The following PIWIL1 variants were observed in gnomAD, a reference collection of about 807,000 sequenced individuals.
PIWIL1 encodes the protein piwi-like protein 1.
A neutral mutation model predicts 114.4 loss-of-function variants in PIWIL1; 73 were observed. That is an observed-to-expected ratio of 0.64 (90% confidence interval 0.53 to 0.78). The LOEUF (loss-of-function observed/expected upper bound fraction) is 0.78, where lower values mean the gene tolerates loss of function less well. Ranked by LOEUF, PIWIL1 falls within the 30% of genes least tolerant of loss-of-function variation. The pLI is 0.00. For synonymous variants in PIWIL1, 375 were observed against 369.0 expected, an observed-to-expected ratio of 1.02 and a Z score of -0.19; for missense variants, 723 against 1,063.1, an observed-to-expected ratio of 0.68 and a Z score of 4.45.
rs1265544292 is a variant in PIWIL1, at chr12:130,347,819, G to A, written c.654-284G>A. ...GACCGCCGAAACAGCCAGACACAGC[G>A]TGTGAGTGAGCGGTCATGGCTGTGT... On this transcript the variant is annotated intron_variant, in intron 6 of 20. Coordinates refer to ENST00000245255, the MANE Select transcript of PIWIL1 (RefSeq NM_004764.5). Among the ~76,000 whole-genome samples the A allele has an allele frequency of 2.6e-5, 4 of 152,216 alleles. No individual in the cohort carries two copies. The East Asian group carries it at 7.7e-4, about 29-fold the overall frequency.
chr12:130,352,122 GT>G (rs2136149534), intron 9 of PIWIL1, among the ~76,000 whole-genome samples: 1 of 152,252 alleles, frequency 6.6e-6, no homozygotes, highest in East Asian at 1.9e-4. Flanking sequence ...ATAATCAGAT[GT>G]CTTTAGTAGA....
chr12:130,421,243 G>A, the PIWIL1 span, among the ~76,000 whole-genome samples: 7,507 of 152,280 alleles, frequency 0.049, 457 homozygotes, highest in Admixed American at 0.19. Flanking sequence ...AAAGGAATCT[G>A]GGCTCCACTA....
At chr12:130,355,752 C>A in intron 12 of PIWIL1, 85 bp downstream of exon 12, 1 of 916,102 alleles carries the variant, frequency 1.1e-6, no homozygotes, top group Non-Finnish European at 1.8e-6. Context: ...GTGGTGCAAT[C>A]TCAGCTCACT....
chr12:130,409,950 T>C, the PIWIL1 span, among the ~76,000 whole-genome samples: 1 of 152,242 alleles, frequency 6.6e-6, no homozygotes, highest in South Asian at 2.1e-4. Flanking sequence ...AGTGCACATA[T>C]AACTTTACAA....
chr12:130,407,621 G>A, the PIWIL1 span: 6 of 911,794 alleles, frequency 6.6e-6, no homozygotes, highest in East Asian at 1.4e-4. Flanking sequence ...ATGGTTCGGA[G>A]AGAAGGAATG....
At chr12:130,399,353 T>C in the PIWIL1 span, among the ~76,000 whole-genome samples, 2 of 152,200 alleles carry the variant, frequency 1.3e-5, no homozygotes, top group South Asian at 4.1e-4. Flanking sequence ...ATAACCTCCA[T>C]TGCCCACCAA....
chr12:130,360,614 CA>C (rs1315126386), intron 14 of PIWIL1, among the ~76,000 whole-genome samples: 1 of 152,144 alleles, frequency 6.6e-6, no homozygotes, highest in African/African-American at 2.4e-5. Context: ...GCCTGGGCAA[CA>C]AGAGCAAAAC....
intron 14 of PIWIL1, among the ~76,000 whole-genome samples, chr12:130,359,906 C>T (rs2073463166): frequency 6.6e-6 from 1 of 152,146 alleles, no homozygotes; most frequent in Non-Finnish European, 1.5e-5. Context: ...TGCATGTGAA[C>T]AATAATTAGT....
At chr12:130,353,850 C>T (rs1360704000) in intron 9 of PIWIL1, among the ~76,000 whole-genome samples, 3 of 151,234 alleles carry the variant, frequency 2.0e-5, no homozygotes, top group African/African-American at 4.9e-5. Context: ...CACCTGAACC[C>T]GGGAGGCGGA....
chr12:130,393,348 C>G, the PIWIL1 span, among the ~76,000 whole-genome samples: 1,687 of 26,586 alleles, frequency 0.063, 40 homozygotes, highest in Middle Eastern at 0.11. Flanking sequence ...TCACGTGTGT[C>G]CGTCAGTTAC....
intron 16 of PIWIL1, among the ~76,000 whole-genome samples, chr12:130,362,236 C>A (rs2073532663): frequency 6.6e-6 from 1 of 152,138 alleles, no homozygotes; most frequent in Non-Finnish European, 1.5e-5. Flanking sequence ...CACCTTCCAC[C>A]CCCAAGTAGG....
intron 3 of PIWIL1, among the ~76,000 whole-genome samples, chr12:130,343,873 C>T (rs937357945): frequency 9.9e-5 from 15 of 152,114 alleles, no homozygotes; most frequent in African/African-American, 2.7e-4. Flanking sequence ...GTGATCCTCC[C>T]GGCTTAGCCT....
At chr12:130,400,496 C>G in the PIWIL1 span, among the ~76,000 whole-genome samples, 1 of 152,162 alleles carries the variant, frequency 6.6e-6, no homozygotes, top group Admixed American at 6.5e-5. Flanking sequence ...TCATCTGCAC[C>G]AAGTGGCTCA....
At chr12:130,374,670 C>T (rs1265815651), downstream of PIWIL1, among the ~76,000 whole-genome samples, 3 of 152,320 alleles carry the variant, frequency 2.0e-5, no homozygotes, top group South Asian at 2.1e-4. Context: ...CCTCGTCCAT[C>T]GCAGCCTTCC....
At chr12:130,407,787 C>T in the PIWIL1 span, 5 of 1,613,964 alleles carry the variant, frequency 3.1e-6, no homozygotes, top group African/African-American at 2.7e-5. Flanking sequence ...CACCATTCTC[C>T]GCGTCGATAC....
the PIWIL1 span, chr12:130,407,618 G>A: frequency 0.21 from 189,991 of 895,862 alleles, 22,264 homozygotes; most frequent in Non-Finnish European, 0.26. Flanking sequence ...CGGATGGTTC[G>A]GAGAGAAGGA....
At chr12:130,351,080 C>G (rs2073196883) in intron 9 of PIWIL1, 1 of 152,168 alleles carries the variant, frequency 6.6e-6, no homozygotes, top group Non-Finnish European at 1.5e-5. Flanking sequence ...CTGGATCCCT[C>G]TGGGTGTCAG....
intron 18 of PIWIL1, among the ~76,000 whole-genome samples, chr12:130,365,943 G>A (rs751682706): frequency 2.0e-5 from 3 of 152,190 alleles, no homozygotes; most frequent in Non-Finnish European, 2.9e-5. Flanking sequence ...AGTAGTCTGC[G>A]TAGGCAGATA....
intron 12 of PIWIL1, 65 bp downstream of exon 12, chr12:130,355,732 C>A: frequency 9.0e-7 from 1 of 1,115,308 alleles, no homozygotes; most frequent in Non-Finnish European, 1.4e-6. Flanking sequence ...GTCCCCCAGG[C>A]AGGAGTACAG....
Sources: gnomAD v4.1 joint callset for allele counts (sites outside exome capture counted in the v4.1 genomes callset) on GRCh38, gnomAD v4.1.1 for gene constraint, MANE v1.5 for transcripts, NCBI Gene and HGNC (gene_info 2026-07-23, HGNC 2026-07-21) for gene names.